The following LYPLA1 variants were observed in gnomAD, a reference collection of about 807,000 sequenced individuals.
LYPLA1 encodes lysophospholipase 1.
A neutral mutation model predicts 34.0 loss-of-function variants in LYPLA1; 17 were observed. The ratio of observed to expected loss-of-function variants is 0.50; its 90% CI spans 0.34 to 0.75. The LOEUF (loss-of-function observed/expected upper bound fraction) is 0.75. Ranked by LOEUF, LYPLA1 falls within the 30% of genes least tolerant of loss-of-function variation. LYPLA1 has a pLI of 0.01. For synonymous variants in LYPLA1, 98 were observed against 100.8 expected, an observed-to-expected ratio of 0.97 and a Z score of 0.17; for missense variants, 203 against 288.8, an observed-to-expected ratio of 0.70 and a Z score of 2.15.
chr8:54,086,924 C>T (rs1292295648), intron 2 of LYPLA1, among the ~76,000 whole-genome samples: 1 of 152,160 alleles, frequency 6.6e-6, no homozygotes, highest in Non-Finnish European at 1.5e-5. Context: ...AATCTATCGA[C>T]ATATAATTAG....
intron 2 of LYPLA1, among the ~76,000 whole-genome samples, chr8:54,087,368 C>A (rs996498888): frequency 6.6e-6 from 1 of 152,194 alleles, no homozygotes; most frequent in African/African-American, 2.4e-5. Context: ...CATGGCAGGG[C>A]ATGCCTGTAA....
At chr8:54,099,504 T>G (rs1000349396) in intron 2 of LYPLA1, among the ~76,000 whole-genome samples, 5 of 151,952 alleles carry the variant, frequency 3.3e-5, no homozygotes, top group African/African-American at 1.2e-4. Context: ...ATGGCAAAAC[T>G]CTGTCTCTAC....
intron 2 of LYPLA1, among the ~76,000 whole-genome samples, chr8:54,071,138 G>T (rs2129340626): frequency 6.6e-6 from 1 of 152,224 alleles, no homozygotes; most frequent in Admixed American, 6.5e-5. Flanking sequence ...GAAGGCTGTG[G>T]CTATATGCTT....
chr8:54,048,748 C>T (rs1370997356), intron 8 of LYPLA1, among the ~76,000 whole-genome samples: 17 of 152,150 alleles, frequency 1.1e-4, no homozygotes, highest in Admixed American at 1.1e-3. Flanking sequence ...CTCACAGTGC[C>T]AAATAGTAGC....
At chr8:54,048,755 T>C (rs1222030908) in intron 8 of LYPLA1, among the ~76,000 whole-genome samples, 1 of 152,188 alleles carries the variant, frequency 6.6e-6, no homozygotes, top group Non-Finnish European at 1.5e-5. Flanking sequence ...TGCCAAATAG[T>C]AGCAATGCAG....
At position 54,090,709 on chromosome 8, in the gene LYPLA1, C is replaced by T. The variant is rs1240942762; in HGVS notation, c.101+10199G>A. On this transcript the variant is annotated intron_variant, in intron 2 of 8. Transcript: ENST00000316963. The stretch of plus-strand genomic sequence containing the variant: ...TGTGTGTCTATTATTTCTCAACCTG[C>T]CGATCCGCCTGGGAACAAAGAGAGA... 2.6e-5 allele frequency among the ~76,000 whole-genome samples: 4 copies of T among 152,280 alleles called. No homozygotes were observed. In the East Asian group the frequency reaches 7.7e-4, roughly 29 times the overall value.
chr8:54,078,679 AAG>A (rs1808081943), intron 2 of LYPLA1, among the ~76,000 whole-genome samples: 1 of 152,136 alleles, frequency 6.6e-6, no homozygotes, highest in South Asian at 2.1e-4. Context: ...GATAAGCAGG[AAG>A]AGAGAGATGA....
chr8:54,053,561 C>T (rs992516335), intron 6 of LYPLA1: 8 of 455,760 alleles, frequency 1.8e-5, no homozygotes, highest in African/African-American at 1.6e-4. Context: ...TGGGTTACTG[C>T]AACACATGAG....
At chr8:54,067,573 A>G (rs1257099638) in intron 2 of LYPLA1, among the ~76,000 whole-genome samples, 2 of 152,100 alleles carry the variant, frequency 1.3e-5, no homozygotes, top group Admixed American at 1.3e-4. Flanking sequence ...TTATACATAT[A>G]GTTTCCTGCT....
intron 2 of LYPLA1, among the ~76,000 whole-genome samples, chr8:54,074,884 T>C (rs1485151155): frequency 6.6e-6 from 1 of 152,254 alleles, no homozygotes; most frequent in Non-Finnish European, 1.5e-5. Flanking sequence ...GTCTTCTGCC[T>C]GTGTTAAACA....
At chr8:54,089,006 T>C (rs975549762) in intron 2 of LYPLA1, among the ~76,000 whole-genome samples, 10 of 152,246 alleles carry the variant, frequency 6.6e-5, no homozygotes, top group African/African-American at 2.2e-4. Context: ...ATTCCATTTC[T>C]ACGCAGAATA....
intron 8 of LYPLA1, among the ~76,000 whole-genome samples, chr8:54,049,616 C>T (rs1297798977): frequency 6.6e-6 from 1 of 152,162 alleles, no homozygotes; most frequent in Non-Finnish European, 1.5e-5. Context: ...AAGGCAAGCA[C>T]TATACATCTC....
chr8:54,059,826 C>T (rs1345625479), intron 5 of LYPLA1, among the ~76,000 whole-genome samples: 1 of 152,100 alleles, frequency 6.6e-6, no homozygotes, highest in Admixed American at 6.5e-5. Context: ...GAAGCTGAGG[C>T]GGGAGAGTTG....
chr8:54,071,676 C>T (rs1435939686), intron 2 of LYPLA1, among the ~76,000 whole-genome samples: 1 of 152,040 alleles, frequency 6.6e-6, no homozygotes, highest in African/African-American at 2.4e-5. Context: ...TACAGCTAAC[C>T]AGGGAGGTGA....
rs748189338 is a variant in LYPLA1 at position 54,065,743 on chromosome 8, C to A, written c.167+5G>T. ...ATCACAAGCCTGAAGATCAGAAATACTCACGCATGCGGGCAGATATATTTG... is the reference window on the plus strand; with the variant it reads ...ATCACAAGCCTGAAGATCAGAAATAATCACGCATGCGGGCAGATATATTTG... On this transcript the variant is annotated splice_donor_5th_base_variant and intron_variant, in intron 3 of 8. Coordinates refer to ENST00000316963, the MANE Select transcript of LYPLA1 (RefSeq NM_006330.4). 6.2e-7 allele frequency: 1 copy of A among 1,612,420 alleles called. No homozygotes were observed.
At chr8:54,091,473 G>C (rs1328405405) in intron 2 of LYPLA1, among the ~76,000 whole-genome samples, 1 of 145,648 alleles carries the variant, frequency 6.9e-6, no homozygotes, top group Non-Finnish European at 1.5e-5. Flanking sequence ...GGCAACAAGA[G>C]CAAAACTGTC....
intron 2 of LYPLA1, among the ~76,000 whole-genome samples, chr8:54,079,291 T>C (rs573604273): frequency 6.6e-6 from 1 of 152,306 alleles, no homozygotes; most frequent in South Asian, 2.1e-4. Context: ...GTTTTCTGTC[T>C]GATAATTTCA....
At chr8:54,057,423 A>G (rs1806285512) in intron 5 of LYPLA1, among the ~76,000 whole-genome samples, 1 of 152,212 alleles carries the variant, frequency 6.6e-6, no homozygotes. Context: ...GTGTCCATCA[A>G]CAGATGACTG....
chr8:54,049,061 C>T (rs1188637307), intron 8 of LYPLA1, among the ~76,000 whole-genome samples: 2 of 152,344 alleles, frequency 1.3e-5, no homozygotes, highest in Non-Finnish European at 2.9e-5. Context: ...CCTGCCCTCT[C>T]TTTTCTGGAT....
Sources: allele counts gnomAD v4.1 joint callset (sites outside exome capture counted in the v4.1 genomes callset), GRCh38; gene constraint gnomAD v4.1.1; transcripts MANE v1.5; gene names NCBI Gene and HGNC (gene_info 2026-07-23, HGNC 2026-07-21).